Variants in HS3ST5 observed in about 807,000 individuals in gnomAD.
The protein encoded by HS3ST5 is heparan sulfate-glucosamine 3-sulfotransferase 5.
In HS3ST5, 10 loss-of-function variants were observed where a neutral mutation model predicts 25.4. The observed-to-expected ratio is 0.39, with a 90% CI of 0.24 to 0.67. The LOEUF is 0.67. Ranked by LOEUF, HS3ST5 falls within the 30% of genes least tolerant of loss-of-function variation. HS3ST5 has a pLI of 0.44. For missense variants in HS3ST5, 324 were observed against 420.7 expected, an observed-to-expected ratio of 0.77 and a Z score of 2.01; for synonymous variants, 170 against 162.4, an observed-to-expected ratio of 1.05 and a Z score of -0.36.
At chr6:114,118,833 C>A (rs1776651911) in intron 3 of HS3ST5, among the ~76,000 whole-genome samples, 1 of 152,082 alleles carries the variant, frequency 6.6e-6, no homozygotes, top group African/African-American at 2.4e-5. Flanking sequence ...TAGGTGAGAG[C>A]TTTAACAGTT....
At chr6:114,187,029 T>C (rs1244786757) in intron 2 of HS3ST5, among the ~76,000 whole-genome samples, 1 of 152,168 alleles carries the variant, frequency 6.6e-6, no homozygotes, top group Non-Finnish European at 1.5e-5. Flanking sequence ...TGAGATTTAC[T>C]GCTCAGAAAA....
intron 3 of HS3ST5, among the ~76,000 whole-genome samples, chr6:114,147,334 T>G (rs112565070): frequency 6.6e-6 from 1 of 152,174 alleles, no homozygotes; most frequent in Non-Finnish European, 1.5e-5. Flanking sequence ...GAATTCTCAC[T>G]GATAGAACGT....
chr6:114,213,722 G>A (rs1273082392), intron 2 of HS3ST5, among the ~76,000 whole-genome samples: 2 of 152,072 alleles, frequency 1.3e-5, no homozygotes, highest in African/African-American at 2.4e-5. Flanking sequence ...CACGTGCAGG[G>A]ATATCTTGCT....
chr6:114,120,718 G>GA (rs1416741733), intron 3 of HS3ST5, among the ~76,000 whole-genome samples: 1 of 151,750 alleles, frequency 6.6e-6, no homozygotes, highest in Non-Finnish European at 1.5e-5. Context: ...ACTTAACAGA[G>GA]AAAAAAAGGA....
In HS3ST5 at chr6:114,213,194, C is replaced by T. The variant is rs551833348; in HGVS notation, c.-145+15391G>A. 3.3e-5 allele frequency among the ~76,000 whole-genome samples: 5 copies of T among 152,136 alleles called. No individual in the cohort carries two copies. In the South Asian group the frequency reaches 1.0e-3, roughly 32 times the overall value. On this transcript the variant is annotated intron_variant, in intron 2 of 4. Transcript: ENST00000312719. ...CTTCGAAGTCCTGCCGTCAAGCCAT[C>T]CTTCTGAAGTCAAGCTGTTTCTTCT...
intron 1 of HS3ST5, among the ~76,000 whole-genome samples, chr6:114,233,066 T>C (rs965099662): frequency 1.3e-5 from 2 of 152,040 alleles, no homozygotes; most frequent in African/African-American, 4.8e-5. Context: ...ACTCTTTTTT[T>C]TTTTTTTCAT....
rs550384005 is a variant in HS3ST5 at position 114,272,598 on chromosome 6, T to C, written c.-338-43820A>G. Among the ~76,000 whole-genome samples the C allele has an allele frequency of 8.7e-4, 132 of 152,244 alleles. 1 individual carries two copies. The highest frequency in any genetic ancestry group is 3.0e-3 in the African/African-American group (123 of 41,560). ...TGCTGCTGTTCCATTTTCAACTCCA[T>C]AGTACATAGTCACTTACTGCTAAGC... On this transcript the variant is annotated intron_variant, in intron 1 of 4. Transcript: ENST00000312719.
chr6:114,117,064 A>G (rs1473701345), intron 3 of HS3ST5, among the ~76,000 whole-genome samples: 1 of 151,968 alleles, frequency 6.6e-6, no homozygotes, highest in Non-Finnish European at 1.5e-5. Context: ...TTTTACCAGG[A>G]ATTCAAAATT....
chr6:114,092,975 G>A lies in HS3ST5; in HGVS notation c.-32-30098C>T, dbSNP rs781194757. 2.6e-5 allele frequency among the ~76,000 whole-genome samples: 4 copies of A among 152,044 alleles called. No individual in the cohort carries two copies. In the South Asian group the frequency reaches 8.3e-4, roughly 32 times the overall value. ...TAGGTGTGAGTCACTGCACCTGGCC[G>A]ATGTCAGGCATTTCATATAGTATAT... On this transcript the variant is annotated intron_variant, in intron 3 of 4. Transcript: ENST00000312719.
At chr6:114,148,894 AAAAC>A (rs1454203099) in intron 3 of HS3ST5, among the ~76,000 whole-genome samples, 3 of 152,048 alleles carry the variant, frequency 2.0e-5, no homozygotes, top group Admixed American at 2.0e-4. Flanking sequence ...ATTTACAAGA[AAAAC>A]AACCCCATCA....
chr6:114,152,801 G>A (rs1273900487), intron 3 of HS3ST5, among the ~76,000 whole-genome samples: 1 of 152,226 alleles, frequency 6.6e-6, no homozygotes, highest in African/African-American at 2.4e-5. Flanking sequence ...TACTGCGAGG[G>A]ATGTAAAAGT....
chr6:114,309,599 G>A (rs1252829974), intron 1 of HS3ST5, among the ~76,000 whole-genome samples: 1 of 152,112 alleles, frequency 6.6e-6, no homozygotes, highest in East Asian at 1.9e-4. Context: ...CGGGCTTGGT[G>A]GTGTGCATCT....
intron 3 of HS3ST5, among the ~76,000 whole-genome samples, chr6:114,079,807 T>C (rs1774346924): frequency 1.3e-5 from 2 of 152,224 alleles, no homozygotes; most frequent in African/African-American, 2.4e-5. Context: ...TTTTGGCTCT[T>C]GTTGCCCAGG....
intron 2 of HS3ST5, among the ~76,000 whole-genome samples, chr6:114,174,704 C>A (rs9400698): frequency 0.54 from 82,459 of 151,940 alleles, 22,801 homozygotes; most frequent in African/African-American, 0.63. Flanking sequence ...CTCTATAAAG[C>A]AAAATGCAGG....
intron 2 of HS3ST5, among the ~76,000 whole-genome samples, chr6:114,191,241 A>G (rs1051323104): frequency 6.6e-6 from 1 of 151,682 alleles, no homozygotes; most frequent in East Asian, 1.9e-4. Context: ...CTCTCTTTTG[A>G]TCTCTCTCCT....
intron 1 of HS3ST5, among the ~76,000 whole-genome samples, chr6:114,294,611 A>C (rs1315411726): frequency 6.6e-6 from 1 of 151,922 alleles, no homozygotes. Context: ...GCGCCCAGCT[A>C]ATTTTCTGTA....
chr6:114,116,525 A>G (rs1325395407), intron 3 of HS3ST5, among the ~76,000 whole-genome samples: 1 of 152,110 alleles, frequency 6.6e-6, no homozygotes, highest in Non-Finnish European at 1.5e-5. Flanking sequence ...CTCCAAATCC[A>G]TTTACCCCAC....
At chr6:114,122,145 AGC>A (rs1776821525) in intron 3 of HS3ST5, among the ~76,000 whole-genome samples, 1 of 152,164 alleles carries the variant, frequency 6.6e-6, no homozygotes, top group Admixed American at 6.5e-5. Context: ...CACTCTGCTT[AGC>A]CAGCCTTGCT....
At chr6:114,324,886 T>G (rs539333348) in intron 1 of HS3ST5, among the ~76,000 whole-genome samples, 49 of 152,326 alleles carry the variant, frequency 3.2e-4, no homozygotes, top group African/African-American at 1.2e-3. Context: ...CTCACTCCAC[T>G]TAAGGGATAT....
Sources: allele counts gnomAD v4.1 joint callset (sites outside exome capture counted in the v4.1 genomes callset), GRCh38; gene constraint gnomAD v4.1.1; transcripts MANE v1.5; gene names NCBI Gene and HGNC (gene_info 2026-07-23, HGNC 2026-07-21).